The following EFTUD2 variants were observed in gnomAD, a reference collection of about 807,000 sequenced individuals.
EFTUD2 encodes the protein elongation factor Tu GTP binding domain containing 2, also known as 116 kDa U5 small nuclear ribonucleoprotein component.
EFTUD2 carries 9 observed loss-of-function variants against 114.3 expected under a neutral mutation model. The observed-to-expected ratio is 0.08, with a 90% CI of 0.05 to 0.14. The LOEUF is 0.14. Among genes scored for constraint, EFTUD2 ranks in the 10% least tolerant of loss-of-function variants. EFTUD2 has a pLI of 1.00. For missense variants in EFTUD2, 765 were observed against 1,241.2 expected (o/e 0.62, Z 5.76); for synonymous variants, 449 against 462.3 (o/e 0.97, Z 0.37).
intron 18 of EFTUD2, 116 bp from the exon 19 acceptor site, chr17:44,859,297 G>A: frequency 1.3e-6 from 1 of 744,994 alleles, no homozygotes. Context: ...CTACTACTTA[G>A]CATCTGTTCC....
intron 6 of EFTUD2, among the ~76,000 whole-genome samples, chr17:44,882,006 A>G (rs2051080980): frequency 6.6e-6 from 1 of 152,184 alleles, no homozygotes; most frequent in Non-Finnish European, 1.5e-5. Context: ...ATCTCAGCTT[A>G]CTGCAACCTC....
intron 11 of EFTUD2, among the ~76,000 whole-genome samples, chr17:44,869,507 C>T (rs916788080): frequency 2.6e-5 from 4 of 152,158 alleles, no homozygotes; most frequent in African/African-American, 9.7e-5. Context: ...GCCATGTTGC[C>T]TAGGCTGGTT....
At chr17:44,881,165 A>C (rs1472910920) in intron 7 of EFTUD2, among the ~76,000 whole-genome samples, 1 of 152,220 alleles carries the variant, frequency 6.6e-6, no homozygotes, top group African/African-American at 2.4e-5. Flanking sequence ...TTATACTTAA[A>C]ACTTCCATTA....
intron 10 of EFTUD2, among the ~76,000 whole-genome samples, chr17:44,874,007 TACAGGCGTG>T: frequency 6.6e-6 from 1 of 151,166 alleles, no homozygotes; most frequent in East Asian, 1.9e-4. Context: ...GTGCTGAGAT[TACAGGCGTG>T]AGCCACCGTG....
chr17:44,859,210 G>T (rs2050611801), intron 18 of EFTUD2, 29 bp from the exon 19 acceptor site: 3 of 1,518,902 alleles, frequency 2.0e-6, no homozygotes, highest in Middle Eastern at 1.7e-4. Context: ...TCACAGCCTG[G>T]ATTCTCTTAT....
At position 44,854,524 on chromosome 17, in the gene EFTUD2, C is replaced by A; in HGVS notation, c.2259+32G>T. The stretch of plus-strand genomic sequence containing the variant: ...TTTCTTCCACTCCAGAGGTAAGAGA[C>A]CGCCACCCAGTTCCCATCAGTTCTG... On this transcript the variant is annotated intron_variant, in intron 22 of 27. Coordinates refer to ENST00000426333, the MANE Select transcript of EFTUD2 (RefSeq NM_004247.4). The surrounding 1 kb of genome is among the most constrained non-coding windows in gnomAD (Gnocchi z 4.3). The A allele has an allele frequency of 6.2e-7, 1 of 1,602,118 alleles. No individual in the cohort carries two copies. Among genetic ancestry groups the A allele is most frequent in the Non-Finnish European group, 8.5e-7 (1 of 1,173,098 alleles).
In EFTUD2 at chr17:44,854,150, T is replaced by C; in HGVS notation, c.2347+119A>G. Reference sequence around the variant, plus strand: ...GAAGCTGGCCCAGGACTTGGGATGGTCCTGTGTACCCCAAGCTGCTTCTCC... The same window carrying C: ...GAAGCTGGCCCAGGACTTGGGATGGCCCTGTGTACCCCAAGCTGCTTCTCC... On this transcript the variant is annotated intron_variant, in intron 23 of 27. Coordinates refer to ENST00000426333, the MANE Select transcript of EFTUD2 (RefSeq NM_004247.4). The surrounding 1 kb of genome is among the most constrained non-coding windows in gnomAD (Gnocchi z 4.3). The C allele has an allele frequency of 7.1e-7, 1 of 1,416,250 alleles. No individual in the cohort carries two copies. Among genetic ancestry groups the C allele is most frequent in the Non-Finnish European group, 9.5e-7 (1 of 1,050,470 alleles). The allele number at this position is 1,416,250 out of a possible 1,614,324, so 87.7% of individuals were successfully genotyped here.
At chr17:44,870,651 A>T (rs1416502691) in intron 11 of EFTUD2, among the ~76,000 whole-genome samples, 3 of 152,144 alleles carry the variant, frequency 2.0e-5, no homozygotes, top group South Asian at 2.1e-4. Context: ...CTTCCACTTA[A>T]TGAACAGTAA....
intron 10 of EFTUD2, chr17:44,875,676 A>G: frequency 3.3e-6 from 1 of 300,596 alleles, no homozygotes; most frequent in Non-Finnish European, 6.2e-6. Flanking sequence ...GTGACACTGC[A>G]CTCTAGCTTG....
chr17:44,893,786 G>A, intron 2 of EFTUD2, among the ~76,000 whole-genome samples: 1 of 113,076 alleles, frequency 8.8e-6, no homozygotes, highest in African/African-American at 3.3e-5. Context: ...GGGTGGGGGG[G>A]CAGGCATGGT....
At chr17:44,859,212 T>C in intron 18 of EFTUD2, 31 bp from the exon 19 acceptor site, 2 of 1,507,924 alleles carry the variant, frequency 1.3e-6, no homozygotes, top group Non-Finnish European at 1.8e-6. Context: ...ACAGCCTGGA[T>C]TCTCTTATGC....
At chr17:44,871,608 G>C (rs2050856395) in intron 11 of EFTUD2, among the ~76,000 whole-genome samples, 1 of 152,112 alleles carries the variant, frequency 6.6e-6, no homozygotes, top group South Asian at 2.1e-4. Flanking sequence ...CAGAGTGCTG[G>C]GATTACAGGC....
chr17:44,881,834 A>G (rs1479663292), intron 6 of EFTUD2, 112 bp from the exon 7 acceptor site: 1 of 969,064 alleles, frequency 1.0e-6, no homozygotes, highest in East Asian at 2.6e-5. Flanking sequence ...TTTGAGATTA[A>G]AGAGAGAGAG....
chr17:44,893,964 G>C (rs1451874781), intron 2 of EFTUD2, among the ~76,000 whole-genome samples: 46 of 151,984 alleles, frequency 3.0e-4, no homozygotes, highest in Admixed American at 3.0e-3. Context: ...AGCTACTCAG[G>C]AGGCTGAGGC....
Position 44,872,565 on chromosome 17 carries a change from T to C in EFTUD2, c.875A>G (p.Tyr292Cys). The change falls in exon 11 of 28, where the codon TAT becomes TGT. Residue 292 changes from tyrosine (Y) to cysteine (C), a missense_variant. By Grantham distance (194) the Tyr-to-Cys change is radical. Around this residue, in one of 6 missense-constraint regions of EFTUD2, gnomAD observed 251 missense variants for 357.7 expected, o/e 0.70. Coordinates refer to ENST00000426333, the MANE Select transcript of EFTUD2 (RefSeq NM_004247.4). Reference protein sequence around the residue: ...VDEVNGLISMYSTDENLILSP... With the variant: ...VDEVNGLISMCSTDENLILSP... ...AAGGATCAGGTTCTCATCAGTGGAA[T>C]ACATGCTGAAACAGAGACAGTGGTG... 6.2e-7 allele frequency: 1 copy of C among 1,609,024 alleles called. No homozygotes were observed. The highest frequency in any genetic ancestry group is 1.1e-5 in the South Asian group (1 of 90,642).
chr17:44,857,031 G>A, intron 20 of EFTUD2, 44 bp downstream of exon 20: 1 of 1,517,520 alleles, frequency 6.6e-7, no homozygotes, highest in South Asian at 1.1e-5. Context: ...GAGAGAGAGT[G>A]TCCAGGAGGC....
intron 16 of EFTUD2, among the ~76,000 whole-genome samples, chr17:44,861,991 G>T (rs2050668450): frequency 6.6e-6 from 1 of 152,320 alleles, no homozygotes; most frequent in African/African-American, 2.4e-5. Context: ...CTTGGTCAAA[G>T]AGTAGACAGT....
In EFTUD2 at chr17:44,877,618, C is replaced by T. The variant is rs190530977; in HGVS notation, c.703-1518G>A. Reference sequence around the variant, plus strand: ...GTCAGGAGTTCAAGACCAGCCTGACCGACATGGTGAAACCCCATTTCTACA... The same window carrying T: ...GTCAGGAGTTCAAGACCAGCCTGACTGACATGGTGAAACCCCATTTCTACA... On this transcript the variant is annotated intron_variant, in intron 9 of 27. Coordinates refer to ENST00000426333, the MANE Select transcript of EFTUD2 (RefSeq NM_004247.4). 5.9e-3 allele frequency among the ~76,000 whole-genome samples: 899 copies of T among 152,128 alleles called. 8 individuals carry two copies. The highest frequency in any genetic ancestry group is 0.011 in the Non-Finnish European group (735 of 68,004).
chr17:44,891,658 T>G (rs1309559002), intron 2 of EFTUD2, among the ~76,000 whole-genome samples: 2 of 152,048 alleles, frequency 1.3e-5, no homozygotes. Flanking sequence ...AGCCCATTAT[T>G]CTTTATTTTA....
Sources: gnomAD v4.1 joint callset for allele counts (sites outside exome capture counted in the v4.1 genomes callset) on GRCh38, gnomAD v4.1.1 for gene constraint, gnomAD v4.1.1 regional missense constraint, Gnocchi (gnomAD v3.1) non-coding constraint, MANE v1.5 for transcripts, NCBI Gene and HGNC (gene_info 2026-07-23, HGNC 2026-07-21) for gene names.